The following C1orf146 variants were observed in gnomAD, a reference collection of about 807,000 sequenced individuals.
C1orf146 encodes the protein protein SPO16 homolog.
C1orf146 carries 22 observed loss-of-function variants against 23.0 expected under a neutral mutation model. The ratio of observed to expected loss-of-function variants is 0.96; its 90% confidence interval spans 0.68 to 1.36. C1orf146 has a LOEUF of 1.36. Ranked by LOEUF, C1orf146 falls within the 40% of genes most tolerant of loss-of-function variation. The pLI is 0.00. For missense variants in C1orf146, 199 were observed against 206.8 expected, an observed-to-expected ratio of 0.96 and a Z score of 0.23; for synonymous variants, 59 against 65.3, an observed-to-expected ratio of 0.90 and a Z score of 0.47.
At chr1:92,243,241 C>G (rs905088785) in intron 3 of C1orf146, among the ~76,000 whole-genome samples, 1 of 152,030 alleles carries the variant, frequency 6.6e-6, no homozygotes, top group East Asian at 1.9e-4. Flanking sequence ...TCTCCCACAT[C>G]GTTTGAAGAG....
rs767970545 is a variant in C1orf146, at chr1:92,245,576, A to G, written c.445A>G (p.Arg149Gly). Reference protein sequence around the residue: ...SKPYIDSICYRMITAKAYIIE... With the variant: ...SKPYIDSICYGMITAKAYIIE... ...ACCATACATAGATAGCATTTGCTAC[A>G]GAATGATAACAGCTAAAGCTTACAT... The change falls in exon 6 of 6, where the codon AGA becomes GGA. Residue 149 changes from arginine (R) to glycine (G), a missense_variant. Transcript: ENST00000370375. 4 of 1,598,148 alleles carry G rather than the reference A, an allele frequency of 2.5e-6. No homozygotes were observed. Among genetic ancestry groups the G allele is most frequent in the East Asian group, 4.6e-5 (2 of 43,954 alleles).
intron 1 of C1orf146, among the ~76,000 whole-genome samples, chr1:92,222,535 GTTTTTT>G: frequency 9.9e-5 from 6 of 60,582 alleles, no homozygotes; most frequent in Admixed American, 3.6e-4. Context: ...CCCTTCTTCG[GTTTTTT>G]TTTTTTTTTT....
At chr1:92,239,962 G>A (rs1489611580) in intron 2 of C1orf146, among the ~76,000 whole-genome samples, 1 of 152,152 alleles carries the variant, frequency 6.6e-6, no homozygotes, top group African/African-American at 2.4e-5. Context: ...TACATCTAGA[G>A]TGTTGAACTA....
chr1:92,226,281 A>G (rs1651966102), intron 1 of C1orf146, among the ~76,000 whole-genome samples: 1 of 152,042 alleles, frequency 6.6e-6, no homozygotes, highest in Admixed American at 6.6e-5. Context: ...TTCTCTGGAT[A>G]CTATAATATG....
chr1:92,218,059 A>C lies in C1orf146; in HGVS notation c.-40+11A>C, dbSNP rs1406418058. On this transcript the variant is annotated intron_variant, in intron 1 of 5. Transcript: ENST00000370375. Reference sequence around the variant, plus strand: ...GGACCTGGTGAGCAGGTGGGTTTGCAGCGCTGGGGATGAGGCCTCGGCAGA... The same window carrying C: ...GGACCTGGTGAGCAGGTGGGTTTGCCGCGCTGGGGATGAGGCCTCGGCAGA... 6.6e-6 allele frequency: 1 copy of C among 152,314 alleles called. No individual in the cohort carries two copies. Among genetic ancestry groups the C allele is most frequent in the Non-Finnish European group, 1.5e-5 (1 of 68,116 alleles). The allele number at this position is 152,314 out of a possible 1,614,324, so 9.4% of individuals were successfully genotyped here.
chr1:92,222,374 CATAT>C (rs954100782), intron 1 of C1orf146, among the ~76,000 whole-genome samples: 4 of 138,548 alleles, frequency 2.9e-5, no homozygotes, highest in East Asian at 2.9e-4. Context: ...GTATATATAA[CATAT>C]ATAACATGCA....
intron 2 of C1orf146, among the ~76,000 whole-genome samples, chr1:92,237,333 C>G (rs1652307969): frequency 6.6e-6 from 1 of 152,074 alleles, no homozygotes; most frequent in South Asian, 2.1e-4. Flanking sequence ...CAGACAGGAC[C>G]CTCAGTTGCA....
chr1:92,243,621 A>G (rs1652486888), intron 3 of C1orf146, among the ~76,000 whole-genome samples: 1 of 152,198 alleles, frequency 6.6e-6, no homozygotes, highest in African/African-American at 2.4e-5. Flanking sequence ...CTGGGATTAC[A>G]GGTGTGAGCC....
intron 1 of C1orf146, among the ~76,000 whole-genome samples, chr1:92,218,687 C>T (rs963626311): frequency 1.3e-5 from 2 of 152,114 alleles, no homozygotes; most frequent in African/African-American, 2.4e-5. Flanking sequence ...GACTGTCCCT[C>T]CTCCACCTTC....
chr1:92,219,496 C>CTTTTT (rs71091269), intron 1 of C1orf146, among the ~76,000 whole-genome samples: 2,288 of 81,042 alleles, frequency 0.028, 188 homozygotes, highest in Non-Finnish European at 0.032. Flanking sequence ...CTTTCTCTTT[C>CTTTTT]TTTTTTTTTT....
At chr1:92,239,459 T>C (rs1186824256) in intron 2 of C1orf146, among the ~76,000 whole-genome samples, 7 of 152,094 alleles carry the variant, frequency 4.6e-5, no homozygotes, top group African/African-American at 1.7e-4. Flanking sequence ...ACACTCAAGT[T>C]TGAATTTCCA....
intron 1 of C1orf146, among the ~76,000 whole-genome samples, chr1:92,231,031 C>G (rs768705899): frequency 6.6e-6 from 1 of 152,182 alleles, no homozygotes; most frequent in Non-Finnish European, 1.5e-5. Context: ...GAGTGAAAAA[C>G]TGTCCTTTGT....
rs1444962971 is a variant in C1orf146 at position 92,242,291 on chromosome 1, T to C, written c.146T>C (p.Ile49Thr). 1.3e-6 allele frequency: 2 copies of C among 1,587,934 alleles called. No individual in the cohort carries two copies. Among genetic ancestry groups the C allele is most frequent in the East Asian group, 4.5e-5 (2 of 44,340 alleles). The change falls in exon 3 of 6, where the codon ATA becomes ACA. Residue 49 changes from isoleucine (I) to threonine (T), a missense_variant. Coordinates refer to ENST00000370375, the MANE Select transcript of C1orf146 (RefSeq NM_001012425.2). ...YSDSVENGSI[I>T]FSLSGVAFLL... ...GATTCAGTGGAAAATGGATCAATTA[T>C]ATTTTCTCTTTCTGGTATGGTATAT...
chr1:92,230,547 C>T (rs1003047382), intron 1 of C1orf146, among the ~76,000 whole-genome samples: 7 of 150,592 alleles, frequency 4.6e-5, no homozygotes, highest in Non-Finnish European at 8.9e-5. Flanking sequence ...ACCTGGGAGG[C>T]GGAGCTTGCA....
intron 1 of C1orf146, among the ~76,000 whole-genome samples, chr1:92,222,689 C>T (rs1271525985): frequency 1.3e-5 from 2 of 151,240 alleles, no homozygotes; most frequent in Admixed American, 1.3e-4. Context: ...CGGGTTCATG[C>T]CATTCTCCTG....
At chr1:92,229,898 A>G (rs1652068565) in intron 1 of C1orf146, among the ~76,000 whole-genome samples, 2 of 152,194 alleles carry the variant, frequency 1.3e-5, no homozygotes, top group Admixed American at 6.5e-5. Context: ...TTTCAGTCTC[A>G]ATGAAATTAG....
intron 1 of C1orf146, among the ~76,000 whole-genome samples, chr1:92,224,614 C>T (rs1330470645): frequency 1.3e-5 from 2 of 152,120 alleles, no homozygotes; most frequent in African/African-American, 2.4e-5. Flanking sequence ...CACCGTTTAT[C>T]GTAAAGACAG....
intron 1 of C1orf146, chr1:92,228,909 C>T: frequency 4.8e-6 from 2 of 417,818 alleles, no homozygotes; most frequent in South Asian, 3.8e-5. Context: ...AAGGCTTATT[C>T]CAGATTCGTG....
intron 2 of C1orf146, among the ~76,000 whole-genome samples, chr1:92,236,227 G>C (rs1231851536): frequency 6.6e-6 from 1 of 152,048 alleles, no homozygotes; most frequent in East Asian, 1.9e-4. Flanking sequence ...ATTTTGGCAT[G>C]ATTTTGCAGC....
Sources: gnomAD v4.1 joint callset for allele counts (sites outside exome capture counted in the v4.1 genomes callset) on GRCh38, gnomAD v4.1.1 for gene constraint, MANE v1.5 for transcripts, NCBI Gene and HGNC (gene_info 2026-07-23, HGNC 2026-07-21) for gene names.